SPG11: variants seen among roughly 807,000 people sequenced by gnomAD.
The protein encoded by SPG11 is SPG11 vesicle trafficking associated, spatacsin.
SPG11 carries 222 observed loss-of-function variants against 274.0 expected under a neutral mutation model. The ratio of observed to expected loss-of-function variants is 0.81; its 90% confidence interval spans 0.73 to 0.91. SPG11 has a LOEUF of 0.91. Among genes scored for constraint, SPG11 ranks in the 40% least tolerant of loss-of-function variants. SPG11 has a pLI of 0.00. For missense variants in SPG11, 3,114 were observed against 2,872.7 expected (o/e 1.08, Z -1.92); for synonymous variants, 1,144 against 1,039.7 (o/e 1.10, Z -1.93).
intron 36 of SPG11, 59 bp from the exon 37 acceptor site, chr15:44,566,364 C>T: frequency 6.6e-7 from 1 of 1,518,836 alleles, no homozygotes; most frequent in Non-Finnish European, 9.1e-7. Context: ...CTGTTCTCAT[C>T]CCACTCATTG....
intron 7 of SPG11, among the ~76,000 whole-genome samples, chr15:44,641,684 G>GA (rs1031627568): frequency 8.3e-5 from 12 of 144,898 alleles, no homozygotes; most frequent in African/African-American, 2.8e-4. Flanking sequence ...CATCATACTG[G>GA]AAAAAACGTT....
At chr15:44,572,889 C>T in intron 32 of SPG11, 69 bp from the exon 33 acceptor site, 1 of 1,542,514 alleles carries the variant, frequency 6.5e-7, no homozygotes, top group Non-Finnish European at 8.9e-7. Context: ...CAGGCTTAGG[C>T]ACCAGGAGGT....
rs770769595 is a variant in SPG11, at chr15:44,569,499, G to T, written c.6484C>A (p.Leu2162Ile). 4 of 1,587,656 alleles carry T rather than the reference G, an allele frequency of 2.5e-6. No homozygotes were observed. The highest frequency in any genetic ancestry group is 1.3e-5 in the African/African-American group (1 of 74,602). ...TTGTACCTTCCAATGCCAGTGAGGA[G>T]CCGTACCTGTGAAGTGGGAGGACAG... is the stretch of plus-strand genomic sequence containing the variant. ...PSEEYGLVVR[L>I]LTGIGRYNEM... is the part of the protein sequence containing the mutation. The change falls in exon 35 of 40, where the codon CTC becomes ATC. Residue 2162 changes from leucine (L) to isoleucine (I), a missense_variant. Transcript: ENST00000261866.
chr15:44,620,103 C>T, intron 15 of SPG11, 87 bp downstream of exon 15: 1 of 1,026,340 alleles, frequency 9.7e-7, no homozygotes, highest in Non-Finnish European at 1.5e-6. Flanking sequence ...GGATTTATGG[C>T]ATTTCAAAGG....
intron 30 of SPG11, among the ~76,000 whole-genome samples, chr15:44,581,631 C>T (rs201159449): frequency 2.7e-5 from 4 of 149,686 alleles, no homozygotes; most frequent in Non-Finnish European, 5.9e-5. Flanking sequence ...TGGTGGCTCA[C>T]GCCTGTAATC....
intron 30 of SPG11, chr15:44,575,341 C>A (rs1283498391): frequency 2.9e-6 from 1 of 340,410 alleles, no homozygotes; most frequent in African/African-American, 2.1e-5. Flanking sequence ...TGTCCTCCCT[C>A]CTGTATCAAA....
chr15:44,569,968 A>G (rs2082386726), intron 34 of SPG11, among the ~76,000 whole-genome samples: 1 of 152,154 alleles, frequency 6.6e-6, no homozygotes. Flanking sequence ...TCGGCCTCCC[A>G]AAGTGCTGGG....
intron 15 of SPG11, among the ~76,000 whole-genome samples, chr15:44,616,769 A>G (rs1011872426): frequency 1.3e-5 from 2 of 152,210 alleles, no homozygotes; most frequent in African/African-American, 4.8e-5. Context: ...GATAAAAACT[A>G]TTGGCAAACT....
chr15:44,571,496 C>CTTTTTTTTTT (rs796235342), intron 33 of SPG11, among the ~76,000 whole-genome samples: 1 of 126,134 alleles, frequency 7.9e-6, no homozygotes, highest in Non-Finnish European at 1.7e-5. Flanking sequence ...AATTTCTTTT[C>CTTTTTTTTTT]TTTTTTTTTT....
intron 30 of SPG11, 101 bp from the exon 31 acceptor site, chr15:44,575,142 C>A: frequency 4.2e-6 from 6 of 1,435,514 alleles, no homozygotes; most frequent in East Asian, 2.4e-5. Flanking sequence ...CCCTGCACTG[C>A]ACTCCCATTA....
chr15:44,640,290 A>G (rs1490559727), intron 7 of SPG11, among the ~76,000 whole-genome samples: 2 of 152,194 alleles, frequency 1.3e-5, no homozygotes, highest in Non-Finnish European at 2.9e-5. Flanking sequence ...CACCAAAAAT[A>G]ATGGAAAAGA....
rs1335700728 is a variant in SPG11, at chr15:44,648,980, C to G, written c.1488G>C (p.Leu496Phe). Residue 496 changes from leucine (L) to phenylalanine (F), a missense_variant, in exon 7 of 40, where the codon TTG becomes TTC. Coordinates refer to ENST00000261866, the MANE Select transcript of SPG11 (RefSeq NM_025137.4). ...GTCTGTTTAAAAACTCTTCTTGAGT[C>G]AAACCAAACAAAATCAGAGAGAGTC... Reference protein sequence around the residue: ...ENGLSLILFGLTQEEFLNRLM... With the variant: ...ENGLSLILFGFTQEEFLNRLM... The G allele has an allele frequency of 6.2e-7, 1 of 1,613,596 alleles. No individual in the cohort carries two copies. Among genetic ancestry groups the G allele is most frequent in the Non-Finnish European group, 8.5e-7 (1 of 1,179,690 alleles).
chr15:44,605,689 T>A (rs973465739), intron 20 of SPG11, among the ~76,000 whole-genome samples: 5 of 152,226 alleles, frequency 3.3e-5, no homozygotes, highest in Non-Finnish European at 5.9e-5. Flanking sequence ...AGGTATTAAT[T>A]ACATGGTAGG....
At chr15:44,596,041 T>C (rs752991532) in intron 25 of SPG11, 42 bp downstream of exon 25, 43 of 1,610,644 alleles carry the variant, frequency 2.7e-5, no homozygotes, top group Non-Finnish European at 3.6e-5. Flanking sequence ...ACTTATTCTA[T>C]TGTTCTCTGG....
At position 44,598,681 on chromosome 15, in the gene SPG11, T is replaced by C. The variant is rs1216255739; in HGVS notation, c.3842A>G (p.Tyr1281Cys). 1.2e-6 allele frequency: 2 copies of C among 1,614,262 alleles called. No individual in the cohort carries two copies. Among genetic ancestry groups the C allele is most frequent in the South Asian group, 1.1e-5 (1 of 91,090 alleles). ...DMKVANIILSYKCRNEDAQYS... is the reference protein window; with the variant it reads ...DMKVANIILSCKCRNEDAQYS... Reference sequence around the variant, plus strand: ...CTGAGCATCTTCATTTCTGCACTTGTAGCTCAAAATTATATTGGCCACTTT... The same window carrying C: ...CTGAGCATCTTCATTTCTGCACTTGCAGCTCAAAATTATATTGGCCACTTT... Residue 1281 changes from tyrosine (Y) to cysteine (C), a missense_variant, in exon 22 of 40, where the codon TAC (tyrosine) becomes TGC (cysteine). Physicochemically the swap from Tyr to Cys is radical, Grantham distance 194. Coordinates refer to ENST00000261866, the MANE Select transcript of SPG11 (RefSeq NM_025137.4).
At chr15:44,621,327 AAAT>A (rs2141026789) in intron 14 of SPG11, 1 of 156,182 alleles carries the variant, frequency 6.4e-6, no homozygotes, top group Non-Finnish European at 1.4e-5. Context: ...GAAAAGAAAA[AAAT>A]AAATTAAAAA....
chr15:44,644,746 G>GT (rs748686532), intron 7 of SPG11, among the ~76,000 whole-genome samples: 10 of 151,870 alleles, frequency 6.6e-5, no homozygotes, highest in Non-Finnish European at 1.3e-4. Context: ...CAAAATCAAT[G>GT]TAAAAAAAAA....
chr15:44,633,155 C>T (rs2084120751), intron 8 of SPG11, among the ~76,000 whole-genome samples: 2 of 151,226 alleles, frequency 1.3e-5, no homozygotes, highest in Admixed American at 6.6e-5. Flanking sequence ...CCTGGCAACA[C>T]AGTGAGACCC....
At chr15:44,636,816 C>T (rs1214083306) in intron 7 of SPG11, among the ~76,000 whole-genome samples, 1 of 150,654 alleles carries the variant, frequency 6.6e-6, no homozygotes, top group Non-Finnish European at 1.5e-5. Flanking sequence ...ATCCCAGCTA[C>T]TTGGGAGGCT....
Sources: gnomAD v4.1 joint callset for allele counts (sites outside exome capture counted in the v4.1 genomes callset) on GRCh38, gnomAD v4.1.1 for gene constraint, MANE v1.5 for transcripts, NCBI Gene and HGNC (gene_info 2026-07-23, HGNC 2026-07-21) for gene names.